TTC28: variants seen among roughly 807,000 people sequenced by gnomAD.
TTC28 encodes tetratricopeptide repeat domain 28, also known as tetratricopeptide repeat protein 28.
In TTC28, 61 loss-of-function variants were observed where a neutral mutation model predicts 198.0. The ratio of observed to expected loss-of-function variants is 0.31; its 90% CI spans 0.25 to 0.38. TTC28 has a LOEUF of 0.38. TTC28 is among the 10% of genes least tolerant of loss of function. The pLI, the probability that TTC28 is intolerant of heterozygous loss-of-function variation, is 1.00. For synonymous variants in TTC28, 1,171 were observed against 1,297.8 expected, an observed-to-expected ratio of 0.90 and a Z score of 2.10; for missense variants, 2,678 against 3,164.0, an observed-to-expected ratio of 0.85 and a Z score of 3.69.
chr22:28,470,350 T>C (rs2048082258), intron 2 of TTC28, among the ~76,000 whole-genome samples: 1 of 152,206 alleles, frequency 6.6e-6, no homozygotes, highest in Admixed American at 6.5e-5. Context: ...TTGGGTTCCA[T>C]GAGATACCAG....
chr22:28,636,451 A>T (rs1033594153), intron 1 of TTC28, among the ~76,000 whole-genome samples: 1 of 151,804 alleles, frequency 6.6e-6, no homozygotes, highest in East Asian at 1.9e-4. Flanking sequence ...GCACATGTGC[A>T]TTTTTTTTAT....
intron 2 of TTC28, among the ~76,000 whole-genome samples, chr22:28,460,583 T>C (rs5762634): frequency 0.089 from 13,544 of 151,560 alleles, 724 homozygotes; most frequent in Middle Eastern, 0.17. Flanking sequence ...TACATACATA[T>C]AATAGATGGA....
chr22:28,482,630 T>C (rs1380693060), intron 2 of TTC28, among the ~76,000 whole-genome samples: 1 of 152,196 alleles, frequency 6.6e-6, no homozygotes, highest in African/African-American at 2.4e-5. Flanking sequence ...TGGCAGTTAG[T>C]ACACTGTGCA....
chr22:28,343,441 A>G (rs1601661599), intron 2 of TTC28, among the ~76,000 whole-genome samples: 2 of 151,960 alleles, frequency 1.3e-5, no homozygotes, highest in South Asian at 4.2e-4. Flanking sequence ...GAGACAGGAG[A>G]ATCACTTGAA....
chr22:28,097,402 C>CT (rs1357094411), intron 10 of TTC28, among the ~76,000 whole-genome samples: 1 of 152,180 alleles, frequency 6.6e-6, no homozygotes, highest in East Asian at 1.9e-4. Flanking sequence ...CTCCAACACA[C>CT]TTTTTTCCTT....
chr22:28,042,793 T>TC (rs1939704548), intron 12 of TTC28, among the ~76,000 whole-genome samples: 1 of 151,640 alleles, frequency 6.6e-6, no homozygotes, highest in Non-Finnish European at 1.5e-5. Flanking sequence ...GACATCCTAC[T>TC]CTATGGGCTG....
At chr22:28,669,217 G>A (rs2051837416) in intron 1 of TTC28, among the ~76,000 whole-genome samples, 1 of 139,540 alleles carries the variant, frequency 7.2e-6, no homozygotes, top group African/African-American at 2.7e-5. Flanking sequence ...ACACATTAGT[G>A]GGTGCAGCGC....
intron 5 of TTC28, among the ~76,000 whole-genome samples, chr22:28,293,727 T>C (rs1043752283): frequency 2.6e-5 from 4 of 152,188 alleles, no homozygotes; most frequent in African/African-American, 9.7e-5. Flanking sequence ...AATACATTAA[T>C]TTCTCATGAA....
intron 10 of TTC28, among the ~76,000 whole-genome samples, chr22:28,097,173 T>C (rs1248541717): frequency 6.6e-6 from 1 of 152,190 alleles, no homozygotes; most frequent in African/African-American, 2.4e-5. Flanking sequence ...TCCATCCCTT[T>C]AAGCATGCCA....
intron 2 of TTC28, among the ~76,000 whole-genome samples, chr22:28,464,234 T>A (rs1375736099): frequency 6.6e-6 from 1 of 152,166 alleles, no homozygotes; most frequent in Non-Finnish European, 1.5e-5. Context: ...GGCCACTGTC[T>A]CTGGAGAAAA....
intron 2 of TTC28, among the ~76,000 whole-genome samples, chr22:28,628,752 C>A (rs1016136843): frequency 1.3e-5 from 2 of 151,972 alleles, no homozygotes; most frequent in Non-Finnish European, 2.9e-5. Context: ...CCAGCCTGGG[C>A]AACATGGTGA....
At chr22:28,450,894 T>C (rs535473690) in intron 2 of TTC28, among the ~76,000 whole-genome samples, 168 of 152,288 alleles carry the variant, frequency 1.1e-3, no homozygotes, top group African/African-American at 3.8e-3. Context: ...ATGAGCCCTA[T>C]GATCACTCTG....
intron 6 of TTC28, among the ~76,000 whole-genome samples, chr22:28,126,000 G>A (rs187367727): frequency 2.6e-5 from 4 of 152,130 alleles, no homozygotes; most frequent in South Asian, 2.1e-4. Flanking sequence ...ATTAGAAAGC[G>A]GCAAAGTCAC....
chr22:28,200,682 A>G (rs1187279843), intron 5 of TTC28, among the ~76,000 whole-genome samples: 1 of 152,116 alleles, frequency 6.6e-6, no homozygotes, highest in African/African-American at 2.4e-5. Context: ...CATGTGTAAC[A>G]AACAGGTGGA....
At chr22:28,498,286 G>A (rs564987690) in intron 2 of TTC28, among the ~76,000 whole-genome samples, 77 of 152,304 alleles carry the variant, frequency 5.1e-4, no homozygotes, top group Non-Finnish European at 9.8e-4. Context: ...GAGGTAACAT[G>A]ACTGTTAGCA....
rs140550170 is a variant in TTC28 at position 28,508,862 on chromosome 22, G to T, written c.381+120690C>A. ...CAAAAATATTCAGGACCTGAACTCA[G>T]TTCTGGATCAAGTGGACCTGATAGA... On this transcript the variant is annotated intron_variant, in intron 2 of 22. Transcript: ENST00000397906. 2.5e-4 allele frequency among the ~76,000 whole-genome samples: 38 copies of T among 152,150 alleles called. No homozygotes were observed. In the East Asian group the frequency reaches 7.0e-3, roughly 28 times the overall value.
chr22:28,501,573 T>G (rs937892411), intron 2 of TTC28, among the ~76,000 whole-genome samples: 2 of 152,196 alleles, frequency 1.3e-5, no homozygotes, highest in African/African-American at 4.8e-5. Context: ...CACATAGAAC[T>G]GATAAATCCT....
chr22:28,542,802 C>A (rs60155737), intron 2 of TTC28, among the ~76,000 whole-genome samples: 2,002 of 152,064 alleles, frequency 0.013, 44 homozygotes, highest in African/African-American at 0.046. Flanking sequence ...GAGGGAAATG[C>A]ATAGCTTCAG....
intron 5 of TTC28, among the ~76,000 whole-genome samples, chr22:28,261,500 G>A (rs538648135): frequency 6.6e-6 from 1 of 152,272 alleles, no homozygotes; most frequent in Non-Finnish European, 1.5e-5. Context: ...TTTATTCTAT[G>A]TGAGATGAGA....
Sources: allele counts gnomAD v4.1 joint callset (sites outside exome capture counted in the v4.1 genomes callset), GRCh38; gene constraint gnomAD v4.1.1; transcripts MANE v1.5; gene names NCBI Gene and HGNC (gene_info 2026-07-23, HGNC 2026-07-21).